Variants in TNRC18 observed in about 807,000 individuals in gnomAD.
The protein encoded by TNRC18 is trinucleotide repeat-containing gene 18 protein.
A neutral mutation model predicts 226.7 loss-of-function variants in TNRC18; 69 were observed. That is an observed-to-expected ratio of 0.30 (90% CI 0.25 to 0.37). The LOEUF (loss-of-function observed/expected upper bound fraction) is 0.37, where lower values mean the gene tolerates loss of function less well. Among genes scored for constraint, TNRC18 ranks in the 10% least tolerant of loss-of-function variants. The probability of loss-of-function intolerance (pLI) is 1.00; values close to 1 mark genes in which losing one functional copy is unlikely to be tolerated. For synonymous variants in TNRC18, 2,449 were observed against 1,927.6 expected, an observed-to-expected ratio of 1.27 and a Z score of -7.09; for missense variants, 4,754 against 4,256.6, an observed-to-expected ratio of 1.12 and a Z score of -3.25.
At position 5,387,956 on chromosome 7, in the gene TNRC18, G is replaced by A. The variant is rs1259560990; in HGVS notation, c.1868C>T (p.Pro623Leu). The A allele has an allele frequency of 2.5e-6, 4 of 1,597,880 alleles. No individual in the cohort carries two copies. Among genetic ancestry groups the A allele is most frequent in the Non-Finnish European group, 3.4e-6 (4 of 1,173,426 alleles). Residue 623 changes from proline (P) to leucine (L), a missense_variant, in exon 5 of 30, where the codon CCT becomes CTT. Transcript: ENST00000430969. ...GGAGGCACCCGCAGAGGTGGGCGCAGGCTCGGGTTTCATGGTGCCCAAACC... is the reference window on the plus strand; with the variant it reads ...GGAGGCACCCGCAGAGGTGGGCGCAAGCTCGGGTTTCATGGTGCCCAAACC... ...FGGLGTMKPE[P>L]APTSAGASRA...
intron 10 of TNRC18, among the ~76,000 whole-genome samples, chr7:5,372,762 C>A (rs1360077484): frequency 6.6e-6 from 1 of 152,074 alleles, no homozygotes; most frequent in Non-Finnish European, 1.5e-5. Flanking sequence ...TGGTCTCAAG[C>A]CTACAATCCC....
intron 9 of TNRC18, among the ~76,000 whole-genome samples, chr7:5,375,337 C>CAA (rs1047871094): frequency 7.2e-5 from 11 of 152,092 alleles, no homozygotes; most frequent in South Asian, 2.1e-4. Context: ...AACAAACAAA[C>CAA]AAACACCAGA....
rs748348460 is a variant in TNRC18, at chr7:5,370,811, C to T, written c.3783G>A (p.Pro1261=). The part of the protein sequence containing the change: ...PETLVEAKEE[P]VEVPVAVPVV... ...CGGGCACCGCCACAGGCACCTCCACCGGCTCCTCCTTGGCCTCCACCAGTG... is the reference window on the plus strand; with the variant it reads ...CGGGCACCGCCACAGGCACCTCCACTGGCTCCTCCTTGGCCTCCACCAGTG... The change falls in exon 11 of 30, where the codon CCG becomes CCA. Residue 1261 remains proline (P), a synonymous_variant. Coordinates refer to ENST00000430969, the MANE Select transcript of TNRC18 (RefSeq NM_001080495.3). The T allele has an allele frequency of 2.1e-4, 342 of 1,608,178 alleles. No homozygotes were observed. Among genetic ancestry groups the T allele is most frequent in the Non-Finnish European group, 2.8e-4 (326 of 1,178,742 alleles).
At chr7:5,361,263 C>T (rs982556924) in intron 14 of TNRC18, among the ~76,000 whole-genome samples, 2 of 152,172 alleles carry the variant, frequency 1.3e-5, no homozygotes, top group South Asian at 2.1e-4. Context: ...GGCAGCCCAG[C>T]GGGTCCTTCC....
chr7:5,315,227 G>A, intron 25 of TNRC18, 79 bp from the exon 26 acceptor site: 1 of 1,461,516 alleles, frequency 6.8e-7, no homozygotes. Context: ...TCTGTCCCGG[G>A]GATCAGGGAT....
chr7:5,340,919 T>A (rs1790622065), intron 18 of TNRC18, among the ~76,000 whole-genome samples: 4 of 152,162 alleles, frequency 2.6e-5, no homozygotes, highest in Non-Finnish European at 4.4e-5. Flanking sequence ...AACAGCCTTC[T>A]AAGAAGATGC....
rs1787451570 is a variant in TNRC18, at chr7:5,313,183, T to TGCTGCTACTGCTGCC, written c.7707_7708insGGCAGCAGTAGCAGC (p.Ser2569_Ser2570insGlySerSerSerSer). ...CCGCTGCTGCTGCTGCTGCTGCTGC[T>TGCTGCTACTGCTGCC]GCTACTGCTGCCACTACTGCTGCTG... On this transcript the variant is annotated inframe_insertion, in exon 27 of 30. Transcript: ENST00000430969. 1 of 1,544,502 alleles carries TGCTGCTACTGCTGCC rather than the reference T, an allele frequency of 6.5e-7. No homozygotes were observed. The highest frequency in any genetic ancestry group is 8.7e-7 in the Non-Finnish European group (1 of 1,145,344).
chr7:5,315,353 T>C (rs1400652960), intron 25 of TNRC18, among the ~76,000 whole-genome samples: 1 of 151,634 alleles, frequency 6.6e-6, no homozygotes, highest in Non-Finnish European at 1.5e-5. Context: ...TCCCGAATAA[T>C]GAAGTAAAAC....
intron 2 of TNRC18, among the ~76,000 whole-genome samples, chr7:5,414,305 ATATATG>A (rs1321252212): frequency 6.6e-6 from 1 of 150,440 alleles, no homozygotes; most frequent in Non-Finnish European, 1.5e-5. Flanking sequence ...TATATATATT[ATATATG>A]TATATTTATA....
At chr7:5,406,950 C>A (rs1002713372) in intron 2 of TNRC18, among the ~76,000 whole-genome samples, 14 of 152,200 alleles carry the variant, frequency 9.2e-5, no homozygotes, top group African/African-American at 3.4e-4. Flanking sequence ...CCCCCACCTC[C>A]CTGCCAGCCC....
intron 2 of TNRC18, among the ~76,000 whole-genome samples, chr7:5,414,911 A>G (rs1367594551): frequency 6.6e-6 from 1 of 152,196 alleles, no homozygotes; most frequent in Admixed American, 6.5e-5. Flanking sequence ...AGAGCCATAC[A>G]TTGCCTTTAG....
chr7:5,327,185 G>C (rs1789001449), intron 19 of TNRC18, among the ~76,000 whole-genome samples: 1 of 152,106 alleles, frequency 6.6e-6, no homozygotes, highest in Non-Finnish European at 1.5e-5. Flanking sequence ...AGGTAGAAAA[G>C]TAATAAATAA....
rs564238436 is a variant in TNRC18, at chr7:5,415,301, T to C, written c.187+5759A>G. On this transcript the variant is annotated intron_variant, in intron 2 of 29. Coordinates refer to ENST00000430969, the MANE Select transcript of TNRC18 (RefSeq NM_001080495.3). The stretch of plus-strand genomic sequence containing the variant: ...GTCGGGTGGGGGTGGGCTGTGCTGA[T>C]ACAGCCCCTCACCTCTCAGACCAGA... Among the ~76,000 whole-genome samples, 8 of 151,282 alleles carry C rather than the reference T, an allele frequency of 5.3e-5. No homozygotes were observed. In the South Asian group the frequency reaches 1.5e-3, roughly 27 times the overall value.
At chr7:5,346,442 G>A (rs1450697938) in intron 17 of TNRC18, among the ~76,000 whole-genome samples, 1 of 152,158 alleles carries the variant, frequency 6.6e-6, no homozygotes, top group African/African-American at 2.4e-5. Flanking sequence ...GTTGCAGTGA[G>A]CTGAGATCGC....
intron 17 of TNRC18, among the ~76,000 whole-genome samples, chr7:5,346,097 C>T (rs554884730): frequency 1.3e-4 from 20 of 152,386 alleles, no homozygotes; most frequent in Non-Finnish European, 2.2e-4. Flanking sequence ...TGCACCTGTG[C>T]TGTGGCAGGG....
chr7:5,323,424 G>A (rs1788580853), intron 21 of TNRC18, among the ~76,000 whole-genome samples: 1 of 144,290 alleles, frequency 6.9e-6, no homozygotes, highest in Admixed American at 7.3e-5. Context: ...CCCTCCTAAT[G>A]TGTGCACCCT....
Position 5,370,972 on chromosome 7 carries a change from C to T in TNRC18, c.3622G>A (p.Ala1208Thr). The T allele has an allele frequency of 6.2e-7, 1 of 1,605,828 alleles. No homozygotes were observed. The highest frequency in any genetic ancestry group is 1.1e-5 in the South Asian group (1 of 91,084). Residue 1208 changes from alanine to threonine, a missense_variant, in exon 11 of 30, where the codon GCC becomes ACC. Physicochemically the swap from Ala to Thr is moderately conservative, Grantham distance 58. Transcript: ENST00000430969. ...GGCTCTGCGCAGCTCTGCCCGGTGG[C>T]ACTCAGCGCCTGGGCCTCCAACAGG... ...GGLLEAQALSATGQSCAEPSE... is the reference protein window; with the variant it reads ...GGLLEAQALSTTGQSCAEPSE...
Position 5,357,110 on chromosome 7 carries a change from G to C in TNRC18, c.5000C>G (p.Thr1667Ser). ...CTTCCCCAGCAGGCTGTCGTAAGGA[G>C]TCAAGTACCTGCCGCAGCCCCCGCT... Reference protein sequence around the residue: ...KTSGGCGRYLTPYDSLLGKNR... With the variant: ...KTSGGCGRYLSPYDSLLGKNR... Residue 1667 changes from threonine (T) to serine (S), a missense_variant, in exon 16 of 30, where the codon ACT becomes AGT. By Grantham distance (58) the Thr-to-Ser change is moderately conservative. Transcript: ENST00000430969. 1 of 1,552,978 alleles carries C rather than the reference G, an allele frequency of 6.4e-7. No homozygotes were observed. The highest frequency in any genetic ancestry group is 8.7e-7 in the Non-Finnish European group (1 of 1,147,568).
At chr7:5,361,303 G>A (rs1266374861) in intron 14 of TNRC18, among the ~76,000 whole-genome samples, 1 of 152,198 alleles carries the variant, frequency 6.6e-6, no homozygotes. Context: ...AAAAGAGGAG[G>A]AATTAGGCCC....
Sources: allele counts gnomAD v4.1 joint callset (sites outside exome capture counted in the v4.1 genomes callset), GRCh38; gene constraint gnomAD v4.1.1; transcripts MANE v1.5; gene names NCBI Gene and HGNC (gene_info 2026-07-23, HGNC 2026-07-21).